Variants in SPIRE1 observed in about 807,000 individuals in gnomAD.
The protein encoded by SPIRE1 is spire type actin nucleation factor 1.
SPIRE1 carries 40 observed loss-of-function variants against 94.1 expected under a neutral mutation model. That is an observed-to-expected ratio of 0.43 (90% confidence interval 0.33 to 0.55). The LOEUF (loss-of-function observed/expected upper bound fraction) is 0.55, where lower values mean the gene tolerates loss of function less well. SPIRE1 is among the 20% of genes least tolerant of loss of function. The pLI is 0.06. For missense variants in SPIRE1, 838 were observed against 975.2 expected (o/e 0.86, Z 1.87); for synonymous variants, 376 against 371.7 (o/e 1.01, Z -0.13).
At chr18:12,622,514 C>G (rs941005123) in intron 2 of SPIRE1, among the ~76,000 whole-genome samples, 1 of 151,402 alleles carries the variant, frequency 6.6e-6, no homozygotes, top group South Asian at 2.1e-4. Flanking sequence ...GCTCCGCCTC[C>G]CCGGTTCACG....
At chr18:12,576,196 C>T (rs1435227592) in intron 2 of SPIRE1, among the ~76,000 whole-genome samples, 1 of 150,484 alleles carries the variant, frequency 6.6e-6, no homozygotes, top group Non-Finnish European at 1.5e-5. Flanking sequence ...TAGTGAGACT[C>T]GTCTCAAAAA....
In SPIRE1 at chr18:12,524,151, T is replaced by C. The variant is rs557734464; in HGVS notation, c.729+11325A>G. 2.6e-3 allele frequency among the ~76,000 whole-genome samples: 393 copies of C among 152,366 alleles called. 1 individual carries two copies. Among genetic ancestry groups the C allele is most frequent in the African/African-American group, 9.1e-3 (377 of 41,594 alleles). ...ACTTAACAAAGTTTCTCTATATGTA[T>C]TGGATTATATTGTGTAAAATATACT... On this transcript the variant is annotated intron_variant, in intron 4 of 16. Transcript: ENST00000409402.
chr18:12,620,098 G>C (rs2037424037), intron 2 of SPIRE1, among the ~76,000 whole-genome samples: 1 of 152,094 alleles, frequency 6.6e-6, no homozygotes, highest in South Asian at 2.1e-4. Context: ...AGGACACCTT[G>C]AGCCAGGAGT....
At chr18:12,477,165 C>T (rs1219934088) in intron 10 of SPIRE1, among the ~76,000 whole-genome samples, 2 of 152,048 alleles carry the variant, frequency 1.3e-5, no homozygotes, top group Non-Finnish European at 2.9e-5. Context: ...TGTAGTGTTG[C>T]CTCATGAGGT....
intron 3 of SPIRE1, among the ~76,000 whole-genome samples, chr18:12,539,615 G>A (rs1172118653): frequency 3.2e-5 from 4 of 124,094 alleles, no homozygotes; most frequent in South Asian, 2.8e-4. Flanking sequence ...ACACACACAC[G>A]TTGGGAATAA....
At chr18:12,461,566 T>TGTACGTGCATACATATGTGTG (rs1568184251) in intron 12 of SPIRE1, among the ~76,000 whole-genome samples, 1 of 135,502 alleles carries the variant, frequency 7.4e-6, no homozygotes, top group African/African-American at 3.1e-5. Flanking sequence ...TGCGTGTATA[T>TGTACGTGCATACATATGTGTG]GTATGTACAT....
intron 2 of SPIRE1, among the ~76,000 whole-genome samples, chr18:12,615,347 T>A (rs60813267): frequency 0.24 from 2,714 of 11,450 alleles, 205 homozygotes; most frequent in East Asian, 0.33. Context: ...AAAAAAAAAA[T>A]ATATATATAT....
chr18:12,577,197 G>C (rs2036130238), intron 2 of SPIRE1, among the ~76,000 whole-genome samples: 1 of 151,850 alleles, frequency 6.6e-6, no homozygotes, highest in South Asian at 2.1e-4. Context: ...ACCCAGGCTA[G>C]AGTGCAATGG....
In SPIRE1 at chr18:12,589,011, GATAC is replaced by G. The variant is rs576667998; in HGVS notation, c.373-42111_373-42108del. ...GAGGTCATGGGTAGTTATTCATACA[GATAC>G]ATACAGAGATAGAAAGAATTTTTAA... On this transcript the variant is annotated intron_variant, in intron 2 of 16. Coordinates refer to ENST00000409402, the MANE Select transcript of SPIRE1 (RefSeq NM_001128626.2). 2.3e-3 allele frequency among the ~76,000 whole-genome samples: 356 copies of G among 152,180 alleles called. 3 individuals are homozygous for G. Among genetic ancestry groups the G allele is most frequent in the South Asian group, 0.014 (68 of 4,814 alleles).
chr18:12,479,722 C>A lies in SPIRE1; in HGVS notation c.1381G>T (p.Glu461Ter). The change falls in exon 10 of 17, where the codon GAA (glutamate) becomes TAA (stop). Residue 461 changes from glutamate to a stop codon, truncating the protein, a stop_gained. Transcript: ENST00000409402. LOFTEE classifies it high-confidence loss of function. ...ACCTCAGACTCAGAGCTGTCCAGTT[C>A]GGCCAGAGTTGGGGCTCTGAGGAGC... Reference protein sequence around the residue: ...KKLLRAPTLAELDSSESEEET... With the variant: ...KKLLRAPTLA The A allele has an allele frequency of 6.2e-7, 1 of 1,613,326 alleles. No individual in the cohort carries two copies. Among genetic ancestry groups the A allele is most frequent in the Non-Finnish European group, 8.5e-7 (1 of 1,179,742 alleles).
intron 2 of SPIRE1, among the ~76,000 whole-genome samples, chr18:12,553,104 G>C (rs2035401881): frequency 6.6e-6 from 1 of 152,182 alleles, no homozygotes. Context: ...CCTTGGGTTA[G>C]ACTACAGGAT....
At chr18:12,505,989 G>A (rs538089857) in intron 6 of SPIRE1, among the ~76,000 whole-genome samples, 2 of 152,120 alleles carry the variant, frequency 1.3e-5, no homozygotes, top group African/African-American at 4.8e-5. Context: ...TCTGGGTTAT[G>A]GAATTACATG....
chr18:12,601,004 G>A (rs1237302211), intron 2 of SPIRE1, among the ~76,000 whole-genome samples: 2 of 152,174 alleles, frequency 1.3e-5, no homozygotes, highest in Non-Finnish European at 1.5e-5. Flanking sequence ...TTACAGGCAT[G>A]AGCCACTTTG....
At chr18:12,576,536 C>T (rs56328751) in intron 2 of SPIRE1, among the ~76,000 whole-genome samples, 25,082 of 132,954 alleles carry the variant, frequency 0.19, 2,261 homozygotes, top group Admixed American at 0.28. Flanking sequence ...GAGCCGAGAT[C>T]GTGCCACTGC....
intron 6 of SPIRE1, among the ~76,000 whole-genome samples, chr18:12,497,147 G>C (rs1026152260): frequency 4.6e-5 from 7 of 152,108 alleles, no homozygotes; most frequent in African/African-American, 1.7e-4. Flanking sequence ...CCAGGGATAA[G>C]ATTCACATTT....
chr18:12,590,056 GA>G (rs11365885), intron 2 of SPIRE1, among the ~76,000 whole-genome samples: 148,986 of 151,788 alleles, frequency 0.98, 73,168 homozygotes, highest in Middle Eastern at 1. Flanking sequence ...TGCAGTAACT[GA>G]AAAAGCCATC....
chr18:12,591,953 A>C (rs1476137877), intron 2 of SPIRE1, among the ~76,000 whole-genome samples: 1 of 136,002 alleles, frequency 7.4e-6, no homozygotes, highest in African/African-American at 2.8e-5. Flanking sequence ...TGGGCGACAG[A>C]GCAAGACTCC....
intron 4 of SPIRE1, 66 bp downstream of exon 4, chr18:12,535,410 T>C: frequency 6.5e-7 from 1 of 1,536,144 alleles, no homozygotes; most frequent in Non-Finnish European, 8.9e-7. Context: ...TAGGTTTCTC[T>C]TCCAACAAAT....
At chr18:12,582,765 CA>C (rs1404003056) in intron 2 of SPIRE1, among the ~76,000 whole-genome samples, 1 of 152,168 alleles carries the variant, frequency 6.6e-6, no homozygotes, top group Non-Finnish European at 1.5e-5. Flanking sequence ...TTCCAATGAT[CA>C]GCTGTTCATT....
Sources: allele counts gnomAD v4.1 joint callset (sites outside exome capture counted in the v4.1 genomes callset), GRCh38; gene constraint gnomAD v4.1.1; transcripts MANE v1.5; gene names NCBI Gene and HGNC (gene_info 2026-07-23, HGNC 2026-07-21).